The following HNMT variants were observed in gnomAD, a reference collection of about 807,000 sequenced individuals.
The protein encoded by HNMT is histamine N-methyltransferase.
A neutral mutation model predicts 32.1 loss-of-function variants in HNMT; 30 were observed. That is an observed-to-expected ratio of 0.93 (90% confidence interval 0.70 to 1.27). HNMT has a LOEUF of 1.27. Among genes scored for constraint, HNMT ranks in the 50% most tolerant of loss-of-function variants. HNMT has a pLI of 0.00. For missense variants in HNMT, 327 were observed against 346.0 expected (o/e 0.95, Z 0.43); for synonymous variants, 125 against 119.0 (o/e 1.05, Z -0.33).
chr2:137,976,798 T>A (rs936710691), intron 2 of HNMT, among the ~76,000 whole-genome samples: 5 of 152,210 alleles, frequency 3.3e-5, no homozygotes, highest in Non-Finnish European at 5.9e-5. Context: ...AATAAAGTAT[T>A]CTTCATAAAT....
chr2:137,983,257 T>G (rs181932163), intron 2 of HNMT, among the ~76,000 whole-genome samples: 257 of 152,286 alleles, frequency 1.7e-3, no homozygotes, highest in Non-Finnish European at 2.7e-3. Flanking sequence ...GCTCTTCTTC[T>G]TGGACTCAGC....
At chr2:138,013,672 A>C in intron 5 of HNMT, 103 bp from the exon 6 acceptor site, 1 of 799,266 alleles carries the variant, frequency 1.3e-6, no homozygotes, top group Non-Finnish European at 2.0e-6. Context: ...CACAAAGGAC[A>C]AGATTATTAT....
intron 2 of HNMT, among the ~76,000 whole-genome samples, chr2:137,980,459 TGAG>T (rs1680458017): frequency 1.3e-5 from 2 of 152,236 alleles, no homozygotes; most frequent in African/African-American, 4.8e-5. Flanking sequence ...ACTTCAGCTC[TGAG>T]GACAGTGAGG....
At chr2:137,984,839 T>G (rs1680604894) in intron 2 of HNMT, among the ~76,000 whole-genome samples, 1 of 152,172 alleles carries the variant, frequency 6.6e-6, no homozygotes, top group South Asian at 2.1e-4. Context: ...GTGAGTTATA[T>G]TTTCCCATTT....
At chr2:137,973,170 T>G (rs940799397) in intron 2 of HNMT, among the ~76,000 whole-genome samples, 6 of 152,152 alleles carry the variant, frequency 3.9e-5, no homozygotes, top group African/African-American at 1.2e-4. Context: ...CTAAGTTATA[T>G]GAAATCAAAA....
At chr2:137,974,803 T>G (rs577560107) in intron 2 of HNMT, among the ~76,000 whole-genome samples, 2 of 152,344 alleles carry the variant, frequency 1.3e-5, no homozygotes, top group Admixed American at 1.3e-4. Context: ...GATAAATTTT[T>G]TAACCCACTC....
chr2:138,009,162 G>C (rs1233945084), intron 5 of HNMT, among the ~76,000 whole-genome samples: 1 of 151,996 alleles, frequency 6.6e-6, no homozygotes, highest in African/African-American at 2.4e-5. Flanking sequence ...CAACATCACT[G>C]ATCATTAGTG....
intron 4 of HNMT, chr2:138,002,733 C>A: frequency 1.1e-6 from 1 of 886,314 alleles, no homozygotes; most frequent in Non-Finnish European, 1.4e-6. Context: ...AGGTGTGAGC[C>A]ACTGCACCCA....
chr2:137,999,680 T>C (rs979581455), intron 2 of HNMT, among the ~76,000 whole-genome samples: 1 of 152,180 alleles, frequency 6.6e-6, no homozygotes, highest in Non-Finnish European at 1.5e-5. Context: ...ATTTCCATTT[T>C]AGTGAAGGTC....
chr2:137,970,274 T>C, intron 2 of HNMT, 57 bp downstream of exon 2: 1 of 976,834 alleles, frequency 1.0e-6, no homozygotes. Flanking sequence ...TGCTGTGTGA[T>C]GACAATATTG....
chr2:137,970,963 AAGAAAGAAAAAAG>A (rs1242399562), intron 2 of HNMT, among the ~76,000 whole-genome samples: 1 of 151,174 alleles, frequency 6.6e-6, no homozygotes, highest in Non-Finnish European at 1.5e-5. Flanking sequence ...GAAAGAAAGA[AAGAAAGAAAAAAG>A]AAATGTGCAC....
chr2:137,965,556 T>C (rs930674800), intron 1 of HNMT, among the ~76,000 whole-genome samples: 1 of 152,152 alleles, frequency 6.6e-6, no homozygotes, highest in African/African-American at 2.4e-5. Flanking sequence ...TTATTTCCTT[T>C]TCTATTTAAC....
chr2:138,004,231 C>T (rs1476453390), intron 4 of HNMT, among the ~76,000 whole-genome samples: 2 of 152,026 alleles, frequency 1.3e-5, no homozygotes, highest in African/African-American at 4.8e-5. Flanking sequence ...GCCTATGGTC[C>T]CTGTGGTGGA....
chr2:137,970,066 A>G, intron 1 of HNMT, 99 bp from the exon 2 acceptor site: 1 of 607,346 alleles, frequency 1.6e-6, no homozygotes, highest in Non-Finnish European at 2.9e-6. Flanking sequence ...GTTTTCATTC[A>G]TTGTATTTTT....
chr2:137,992,335 G>A (rs925452860), intron 2 of HNMT, among the ~76,000 whole-genome samples: 1 of 152,320 alleles, frequency 6.6e-6, no homozygotes, highest in East Asian at 1.9e-4. Context: ...GGGGAAGGGA[G>A]GCATCCATCT....
intron 2 of HNMT, among the ~76,000 whole-genome samples, chr2:137,986,375 G>A (rs1032204573): frequency 2.0e-5 from 3 of 152,058 alleles, no homozygotes; most frequent in Admixed American, 6.6e-5. Context: ...GAGAGCCCAT[G>A]GTGTAAGTTC....
chr2:138,005,306 A>G (rs1239688973), intron 5 of HNMT, 81 bp downstream of exon 5: 1 of 675,672 alleles, frequency 1.5e-6, no homozygotes, highest in African/African-American at 1.8e-5. Context: ...AAAGAAGCTT[A>G]TATATTTTGT....
chr2:137,983,171 A>AG (rs1421579687), intron 2 of HNMT, among the ~76,000 whole-genome samples: 1 of 152,170 alleles, frequency 6.6e-6, no homozygotes, highest in African/African-American at 2.4e-5. Context: ...ACCCAAAACC[A>AG]GGAAGACAGT....
At chr2:137,985,376 G>A (rs984744670) in intron 2 of HNMT, among the ~76,000 whole-genome samples, 14 of 152,182 alleles carry the variant, frequency 9.2e-5, no homozygotes, top group East Asian at 1.9e-4. Flanking sequence ...TAGCTAAAGC[G>A]TAGAGGGTTG....
Sources: gnomAD v4.1 joint callset for allele counts (sites outside exome capture counted in the v4.1 genomes callset) on GRCh38, gnomAD v4.1.1 for gene constraint, MANE v1.5 for transcripts, NCBI Gene and HGNC (gene_info 2026-07-23, HGNC 2026-07-21) for gene names.